The following RGS7 variants were observed in gnomAD, a reference collection of about 807,000 sequenced individuals.
RGS7 encodes regulator of G-protein signaling 7.
In RGS7, 27 loss-of-function variants were observed where a neutral mutation model predicts 81.1. That is an observed-to-expected ratio of 0.33 (90% CI 0.25 to 0.46). RGS7 has a LOEUF of 0.46. Among genes scored for constraint, RGS7 ranks in the 20% least tolerant of loss-of-function variants. The probability of loss-of-function intolerance (pLI) is 1.00; values close to 1 mark genes in which losing one functional copy is unlikely to be tolerated. For missense variants in RGS7, 396 were observed against 607.4 expected, an observed-to-expected ratio of 0.65 and a Z score of 3.66; for synonymous variants, 208 against 207.7, an observed-to-expected ratio of 1.00 and a Z score of -0.01.
chr1:241,023,233 C>G (rs1446918517), intron 3 of RGS7, among the ~76,000 whole-genome samples: 1 of 152,152 alleles, frequency 6.6e-6, no homozygotes, highest in African/African-American at 2.4e-5. Flanking sequence ...TTTGACTAAA[C>G]TTTAGTTCAG....
chr1:241,100,764 T>C (rs1047444909), intron 2 of RGS7, among the ~76,000 whole-genome samples: 1 of 152,226 alleles, frequency 6.6e-6, no homozygotes. Flanking sequence ...TAAAGCCTGG[T>C]ACATATATAG....
At chr1:241,002,530 T>C (rs543268913) in intron 3 of RGS7, among the ~76,000 whole-genome samples, 1 of 152,298 alleles carries the variant, frequency 6.6e-6, no homozygotes, top group East Asian at 1.9e-4. Flanking sequence ...TATTCTTCCA[T>C]GTTGTCTCCC....
At chr1:240,920,016 G>T in intron 6 of RGS7, 2 of 1,259,110 alleles carry the variant, frequency 1.6e-6, no homozygotes, top group Non-Finnish European at 2.3e-6. Flanking sequence ...TCACCTAAGA[G>T]ATTATTTTGA....
intron 2 of RGS7, among the ~76,000 whole-genome samples, chr1:241,318,559 C>T (rs182810718): frequency 2.6e-5 from 4 of 151,966 alleles, no homozygotes; most frequent in East Asian, 3.9e-4. Flanking sequence ...TGGGTTCAAG[C>T]GATTCTCCCG....
intron 2 of RGS7, among the ~76,000 whole-genome samples, chr1:241,221,034 G>GA (rs1438313538): frequency 3.3e-4 from 32 of 97,680 alleles, no homozygotes; most frequent in Admixed American, 1.5e-3. Context: ...AGGAAGGAAG[G>GA]AAGGAAAAGA....
intron 9 of RGS7, among the ~76,000 whole-genome samples, chr1:240,842,572 A>G (rs1353391221): frequency 6.6e-6 from 1 of 151,846 alleles, no homozygotes; most frequent in Admixed American, 6.6e-5. Context: ...AAAAGCTAAT[A>G]AATTTTAGTA....
intron 2 of RGS7, among the ~76,000 whole-genome samples, chr1:241,152,917 C>G (rs1413450851): frequency 6.6e-6 from 1 of 152,164 alleles, no homozygotes; most frequent in Non-Finnish European, 1.5e-5. Flanking sequence ...CTGTTAACCT[C>G]CCCTGACTGA....
rs190149144 is a variant in RGS7, at chr1:240,822,511, G to C, written c.684+4587C>G. 2.1e-3 allele frequency among the ~76,000 whole-genome samples: 320 copies of C among 152,108 alleles called. 1 individual carries two copies. Among genetic ancestry groups the C allele is most frequent in the African/African-American group, 6.9e-3 (285 of 41,498 alleles). ...CAAAATATCAAAAATACAAAGTCTG[G>C]GTTTCTTCCCTGTAGGTTTATGATA... is the stretch of plus-strand genomic sequence containing the variant. On this transcript the variant is annotated intron_variant, in intron 10 of 18. Transcript: ENST00000440928.
intron 4 of RGS7, among the ~76,000 whole-genome samples, chr1:240,940,896 T>A (rs1259546995): frequency 6.6e-6 from 1 of 152,226 alleles, no homozygotes; most frequent in African/African-American, 2.4e-5. Flanking sequence ...GCAAAGTGTA[T>A]GTTGGCAGGT....
chr1:240,819,044 C>T (rs1430157656), intron 10 of RGS7, among the ~76,000 whole-genome samples: 1 of 152,110 alleles, frequency 6.6e-6, no homozygotes, highest in African/African-American at 2.4e-5. Flanking sequence ...TAAATATGTG[C>T]AATTATTATT....
chr1:241,070,143 C>T (rs1400990135), intron 3 of RGS7, among the ~76,000 whole-genome samples: 1 of 152,058 alleles, frequency 6.6e-6, no homozygotes, highest in African/African-American at 2.4e-5. Flanking sequence ...GTCAGGTGGA[C>T]AGAGGTGAAG....
chr1:241,040,563 G>A (rs565282574), intron 3 of RGS7, among the ~76,000 whole-genome samples: 7 of 151,844 alleles, frequency 4.6e-5, no homozygotes, highest in Admixed American at 2.6e-4. Flanking sequence ...GTGCAGTGGC[G>A]CGATCTCGGC....
intron 6 of RGS7, among the ~76,000 whole-genome samples, chr1:240,884,489 C>A (rs1667005896): frequency 6.6e-6 from 1 of 152,166 alleles, no homozygotes; most frequent in Non-Finnish European, 1.5e-5. Context: ...CTGGAGAACA[C>A]TGATGAATGT....
At chr1:240,952,100 T>C (rs1288686466) in intron 4 of RGS7, among the ~76,000 whole-genome samples, 1 of 152,062 alleles carries the variant, frequency 6.6e-6, no homozygotes, top group African/African-American at 2.4e-5. Context: ...AAGAATACAT[T>C]ACTAGTGGGC....
chr1:240,959,305 T>A (rs1325832941), intron 4 of RGS7, among the ~76,000 whole-genome samples: 3 of 152,156 alleles, frequency 2.0e-5, no homozygotes, highest in Non-Finnish European at 4.4e-5. Flanking sequence ...GGTGATTTCA[T>A]CATTGTGCGA....
intron 3 of RGS7, among the ~76,000 whole-genome samples, chr1:241,008,708 G>T (rs1572239328): frequency 6.6e-6 from 1 of 151,946 alleles, no homozygotes; most frequent in Admixed American, 6.6e-5. Flanking sequence ...AGGCCAGGAG[G>T]TCGAGACCAG....
At chr1:240,791,212 A>C (rs1057164157) in intron 18 of RGS7, among the ~76,000 whole-genome samples, 4 of 152,208 alleles carry the variant, frequency 2.6e-5, no homozygotes, top group African/African-American at 7.2e-5. Context: ...TGCTGGTTGA[A>C]ATTACAGGAA....
At chr1:240,896,941 G>C (rs1446659178) in intron 6 of RGS7, among the ~76,000 whole-genome samples, 1 of 152,132 alleles carries the variant, frequency 6.6e-6, no homozygotes, top group Non-Finnish European at 1.5e-5. Context: ...CCATTTGTTT[G>C]TGTCTTCTTT....
intron 3 of RGS7, among the ~76,000 whole-genome samples, chr1:241,007,800 T>G (rs2058748635): frequency 1.3e-5 from 2 of 152,142 alleles, no homozygotes; most frequent in South Asian, 4.1e-4. Flanking sequence ...GTAAAAGGTT[T>G]GCTGAGAGGT....
Sources: allele counts gnomAD v4.1 joint callset (sites outside exome capture counted in the v4.1 genomes callset), GRCh38; gene constraint gnomAD v4.1.1; transcripts MANE v1.5; gene names NCBI Gene and HGNC (gene_info 2026-07-23, HGNC 2026-07-21).